The following PPM1H variants were observed in gnomAD, a reference collection of about 807,000 sequenced individuals.
PPM1H encodes the protein protein phosphatase 1H.
In PPM1H, 27 loss-of-function variants were observed where a neutral mutation model predicts 54.9. The observed-to-expected ratio is 0.49, with a 90% confidence interval of 0.36 to 0.68. The LOEUF is 0.68. PPM1H is among the 30% of genes least tolerant of loss of function. The probability of loss-of-function intolerance (pLI) is 0.00; values close to 1 mark genes in which losing one functional copy is unlikely to be tolerated. For missense variants in PPM1H, 596 were observed against 667.8 expected (o/e 0.89, Z 1.19); for synonymous variants, 305 against 270.8 (o/e 1.13, Z -1.24).
chr12:62,812,362 G>A (rs2076840954), intron 2 of PPM1H, among the ~76,000 whole-genome samples: 1 of 152,116 alleles, frequency 6.6e-6, no homozygotes, highest in Non-Finnish European at 1.5e-5. Flanking sequence ...TCTAACAAAT[G>A]TTTAACCTTA....
chr12:62,915,809 C>T (rs2121151862), intron 1 of PPM1H, among the ~76,000 whole-genome samples: 1 of 152,274 alleles, frequency 6.6e-6, no homozygotes, highest in East Asian at 1.9e-4. Context: ...TCAGGTGGTT[C>T]AGGCTCCACG....
chr12:62,912,679 G>A (rs766826107), intron 1 of PPM1H, among the ~76,000 whole-genome samples: 6 of 152,152 alleles, frequency 3.9e-5, no homozygotes, highest in Admixed American at 1.3e-4. Flanking sequence ...GACAAACGCA[G>A]GTATTAACTC....
chr12:62,693,868 C>CGGGCTA, intron 7 of PPM1H, 68 bp downstream of exon 7: 2 of 1,416,692 alleles, frequency 1.4e-6, no homozygotes, highest in Non-Finnish European at 2.0e-6. Context: ...CGGACTGCCA[C>CGGGCTA]GGGCTATGTG....
chr12:62,824,397 C>A (rs1327633378), intron 2 of PPM1H, among the ~76,000 whole-genome samples: 2 of 152,198 alleles, frequency 1.3e-5, no homozygotes, highest in African/African-American at 4.8e-5. Flanking sequence ...TTGGAAAAAA[C>A]TACTTTAGAG....
chr12:62,780,254 T>C (rs1376362605), intron 4 of PPM1H, among the ~76,000 whole-genome samples: 1 of 152,212 alleles, frequency 6.6e-6, no homozygotes, highest in East Asian at 1.9e-4. Flanking sequence ...CTTAAATACA[T>C]TTAAAAAAAT....
At chr12:62,886,638 C>T (rs1870599587) in intron 1 of PPM1H, among the ~76,000 whole-genome samples, 1 of 152,134 alleles carries the variant, frequency 6.6e-6, no homozygotes, top group African/African-American at 2.4e-5. Context: ...AACTAATTCA[C>T]AAAACTTCTA....
At chr12:62,933,730 T>G (rs1407674552) in intron 1 of PPM1H, among the ~76,000 whole-genome samples, 1 of 151,952 alleles carries the variant, frequency 6.6e-6, no homozygotes. Context: ...CCTCCACCTC[T>G]CCTTTCCCGA....
intron 4 of PPM1H, among the ~76,000 whole-genome samples, chr12:62,773,315 A>C (rs1034012386): frequency 5.3e-5 from 8 of 152,126 alleles, no homozygotes; most frequent in Non-Finnish European, 7.4e-5. Context: ...CTCTGTAAAA[A>C]TAAAAATAAA....
At chr12:62,872,557 T>A (rs1870023881) in intron 1 of PPM1H, among the ~76,000 whole-genome samples, 1 of 152,254 alleles carries the variant, frequency 6.6e-6, no homozygotes, top group South Asian at 2.1e-4. Flanking sequence ...GCACATTTTC[T>A]AGCTCAATCT....
chr12:62,913,031 G>A (rs561078555), intron 1 of PPM1H, among the ~76,000 whole-genome samples: 2 of 152,304 alleles, frequency 1.3e-5, no homozygotes, highest in African/African-American at 4.8e-5. Context: ...TGGGCAGGCA[G>A]AGTGAAGGAA....
intron 9 of PPM1H, among the ~76,000 whole-genome samples, chr12:62,654,755 T>C (rs545588308): frequency 6.6e-6 from 1 of 152,268 alleles, no homozygotes; most frequent in South Asian, 2.1e-4. Flanking sequence ...ACTTCACACT[T>C]TTCCTGTGTG....
intron 2 of PPM1H, among the ~76,000 whole-genome samples, chr12:62,824,653 G>T (rs572645375): frequency 1.3e-5 from 2 of 152,246 alleles, no homozygotes; most frequent in South Asian, 2.1e-4. Flanking sequence ...AATGGGGAAA[G>T]GATTCCCTAT....
At chr12:62,882,187 C>T (rs923101275) in intron 1 of PPM1H, among the ~76,000 whole-genome samples, 2 of 152,232 alleles carry the variant, frequency 1.3e-5, no homozygotes, top group Admixed American at 6.5e-5. Context: ...AACTCTTCAA[C>T]TCATTCAATA....
chr12:62,900,141 G>T (rs999944713), intron 1 of PPM1H, among the ~76,000 whole-genome samples: 20 of 152,180 alleles, frequency 1.3e-4, no homozygotes, highest in Admixed American at 1.3e-3. Context: ...CTAACACCGA[G>T]CTGTAGTCTC....
chr12:62,669,411 T>C (rs2075940873), intron 8 of PPM1H, among the ~76,000 whole-genome samples: 1 of 152,148 alleles, frequency 6.6e-6, no homozygotes, highest in Admixed American at 6.5e-5. Flanking sequence ...CAGTTCCGGG[T>C]GGGCTTGAGA....
At chr12:62,757,695 C>G (rs1261193884) in intron 4 of PPM1H, among the ~76,000 whole-genome samples, 1 of 152,156 alleles carries the variant, frequency 6.6e-6, no homozygotes, top group Non-Finnish European at 1.5e-5. Context: ...ACCATAACAC[C>G]ACTCCAGAAA....
intron 8 of PPM1H, among the ~76,000 whole-genome samples, chr12:62,677,427 C>T (rs12424865): frequency 0.07 from 10,617 of 152,202 alleles, 515 homozygotes; most frequent in East Asian, 0.2. Context: ...AGGAGCTCCC[C>T]GAGCCAGGGT....
intron 9 of PPM1H, among the ~76,000 whole-genome samples, chr12:62,651,299 C>T (rs1452821730): frequency 6.6e-6 from 1 of 151,922 alleles, no homozygotes; most frequent in Non-Finnish European, 1.5e-5. Flanking sequence ...GATAGACAGA[C>T]ACTCAAAGAT....
In PPM1H at chr12:62,915,028, TA is replaced by T. The variant is rs1042670992; in HGVS notation, c.245+19463del. Reference sequence around the variant, plus strand: ...CATGTCATTCCCAATACTTGCTTACTAAAAAAAATTCTTTGTGGCTGCTCAC... The same window carrying T: ...CATGTCATTCCCAATACTTGCTTACTAAAAAAATTCTTTGTGGCTGCTCAC... On this transcript the variant is annotated intron_variant, in intron 1 of 9. Coordinates refer to ENST00000228705, the MANE Select transcript of PPM1H (RefSeq NM_020700.2). 2.6e-5 allele frequency among the ~76,000 whole-genome samples: 4 copies of T among 152,170 alleles called. 1 individual carries two copies. Among genetic ancestry groups the T allele is most frequent in the Admixed American group, 2.6e-4 (4 of 15,284 alleles).
Sources: allele counts gnomAD v4.1 joint callset (sites outside exome capture counted in the v4.1 genomes callset), GRCh38; gene constraint gnomAD v4.1.1; transcripts MANE v1.5; gene names NCBI Gene and HGNC (gene_info 2026-07-23, HGNC 2026-07-21).